ADAMTS6: variants seen among roughly 807,000 people sequenced by gnomAD.
ADAMTS6 encodes the protein ADAM metallopeptidase with thrombospondin type 1 motif 6.
ADAMTS6 carries 23 observed loss-of-function variants against 144.3 expected under a neutral mutation model. The observed-to-expected ratio is 0.16, with a 90% CI of 0.11 to 0.23. The LOEUF is 0.23. Ranked by LOEUF, ADAMTS6 falls within the 10% of genes least tolerant of loss-of-function variation. The pLI is 1.00. For missense variants in ADAMTS6, 999 were observed against 1,379.6 expected, an observed-to-expected ratio of 0.72 and a Z score of 4.37; for synonymous variants, 444 against 457.5, an observed-to-expected ratio of 0.97 and a Z score of 0.38.
chr5:65,367,961 A>G (rs1750461313), intron 7 of ADAMTS6, among the ~76,000 whole-genome samples: 2 of 152,086 alleles, frequency 1.3e-5, no homozygotes, highest in African/African-American at 4.8e-5. Flanking sequence ...GGCATATTTT[A>G]CTACAAAAAA....
intron 7 of ADAMTS6, among the ~76,000 whole-genome samples, chr5:65,356,162 T>G (rs116367937): frequency 0.01 from 1,581 of 151,988 alleles, 19 homozygotes; most frequent in Non-Finnish European, 0.015. Flanking sequence ...TTCAATGTAT[T>G]TCATACATTC....
At chr5:65,357,398 T>C (rs1283938328) in intron 7 of ADAMTS6, among the ~76,000 whole-genome samples, 2 of 151,208 alleles carry the variant, frequency 1.3e-5, no homozygotes, top group African/African-American at 4.9e-5. Flanking sequence ...TAGCAATAGA[T>C]ACATTAAGAA....
chr5:65,402,272 C>A (rs1486554295), intron 7 of ADAMTS6, among the ~76,000 whole-genome samples: 2 of 152,028 alleles, frequency 1.3e-5, no homozygotes, highest in South Asian at 2.1e-4. Flanking sequence ...AACTCACTTG[C>A]GAAAACATAT....
At chr5:65,408,987 G>C (rs1401954477) in intron 7 of ADAMTS6, among the ~76,000 whole-genome samples, 6 of 152,034 alleles carry the variant, frequency 3.9e-5, no homozygotes, top group East Asian at 1.9e-4. Context: ...ATCTCTGGGA[G>C]ACATTTAAAG....
At chr5:65,364,475 AAC>A (rs997392091) in intron 7 of ADAMTS6, among the ~76,000 whole-genome samples, 2 of 152,060 alleles carry the variant, frequency 1.3e-5, no homozygotes, top group African/African-American at 4.8e-5. Flanking sequence ...GGAGTTTTGA[AAC>A]ACAGCGCTGG....
chr5:65,189,802 C>T (rs774922784), intron 21 of ADAMTS6, among the ~76,000 whole-genome samples: 3 of 152,162 alleles, frequency 2.0e-5, no homozygotes, highest in South Asian at 4.1e-4. Context: ...CTATTTCAAT[C>T]GAAATTCATT....
At chr5:65,191,616 T>G (rs1244426420) in intron 21 of ADAMTS6, among the ~76,000 whole-genome samples, 1 of 152,052 alleles carries the variant, frequency 6.6e-6, no homozygotes, top group Non-Finnish European at 1.5e-5. Flanking sequence ...TATAAATTAT[T>G]GTCTACTTAC....
intron 22 of ADAMTS6, among the ~76,000 whole-genome samples, chr5:65,174,766 AGT>A (rs965672887): frequency 1.3e-5 from 2 of 151,920 alleles, no homozygotes; most frequent in Non-Finnish European, 2.9e-5. Context: ...AAACTGTAAA[AGT>A]GTGTGTGTGT....
chr5:65,471,139 T>C lies in ADAMTS6; in HGVS notation c.101A>G (p.Glu34Gly). The change falls in exon 3 of 25, where the codon GAA (glutamate) becomes GGA (glycine). Residue 34 changes from glutamate (E) to glycine (G), a missense_variant. By Grantham distance (98) the Glu-to-Gly change is moderately conservative. Coordinates refer to ENST00000381055, the MANE Select transcript of ADAMTS6 (RefSeq NM_197941.4). ...DHRLSYSSQE[E>G]FLTYLEHYQL... ...GTAGTGTTCAAGATAAGTCAGGAAT[T>C]CCTCTTTGTAATCACAAGGCAGAGA... The C allele has an allele frequency of 1.3e-6, 2 of 1,577,926 alleles. No homozygotes were observed. Among genetic ancestry groups the C allele is most frequent in the South Asian group, 1.2e-5 (1 of 82,672 alleles).
At chr5:65,420,698 G>C (rs1199052433) in intron 7 of ADAMTS6, among the ~76,000 whole-genome samples, 2 of 152,012 alleles carry the variant, frequency 1.3e-5, no homozygotes, top group African/African-American at 4.8e-5. Flanking sequence ...TCTTAAAAAG[G>C]AAAAGAAAGA....
chr5:65,386,395 G>A (rs1015765838), intron 7 of ADAMTS6, among the ~76,000 whole-genome samples: 1 of 152,020 alleles, frequency 6.6e-6, no homozygotes, highest in African/African-American at 2.4e-5. Context: ...AATCTTTGAT[G>A]ATACATTTGT....
chr5:65,216,385 A>G (rs1561288911), intron 18 of ADAMTS6, among the ~76,000 whole-genome samples: 1 of 151,792 alleles, frequency 6.6e-6, no homozygotes, highest in Non-Finnish European at 1.5e-5. Context: ...AGTAGGTAAA[A>G]AGCCACAGAG....
intron 7 of ADAMTS6, among the ~76,000 whole-genome samples, chr5:65,398,293 A>G (rs1174624971): frequency 6.6e-6 from 1 of 152,150 alleles, no homozygotes; most frequent in African/African-American, 2.4e-5. Context: ...TTTGCCTCCT[A>G]TATTTTATTG....
rs139829782 is a variant in ADAMTS6 at position 65,252,390 on chromosome 5, C to T, written c.1830+8210G>A. Among the ~76,000 whole-genome samples the T allele has an allele frequency of 6.1e-3, 918 of 151,620 alleles. 8 individuals carry two copies. Among genetic ancestry groups the T allele is most frequent in the African/African-American group, 0.021 (873 of 41,362 alleles). On this transcript the variant is annotated intron_variant, in intron 14 of 24. Transcript: ENST00000381055. ...CCGAGTAGCTGGGATCACAGGCGCC[C>T]GCAACCACGCCCGGCTAATTTTTTG...
chr5:65,300,090 G>A lies in ADAMTS6; in HGVS notation c.1265C>T (p.Thr422Met), dbSNP rs141694479. 139 of 1,613,804 alleles carry A rather than the reference G, an allele frequency of 8.6e-5. No individual in the cohort carries two copies. Among genetic ancestry groups the A allele is most frequent in the Middle Eastern group, 1.6e-4 (1 of 6,084 alleles). The change falls in exon 10 of 25, where the codon ACG becomes ATG. Residue 422 changes from threonine (T) to methionine (M), a missense_variant. Physicochemically the swap from Thr to Met is moderately conservative, Grantham distance 81. This residue lies in a region of ADAMTS6 where 128 missense variants were observed against 249.0 expected (regional missense o/e 0.51). Transcript: ENST00000381055. ...AAGTTTTGCTGCTTCATGACCTTTC[G>A]TCCCACAAGAATTTCCAATTCCATC... ...NHDGIGNSCG[T>M]KGHEAAKLMA...
At chr5:65,319,931 C>T (rs1670699866) in intron 9 of ADAMTS6, among the ~76,000 whole-genome samples, 1 of 152,182 alleles carries the variant, frequency 6.6e-6, no homozygotes. Flanking sequence ...GCAACCTCTG[C>T]CTCCTGGGTT....
chr5:65,199,057 C>T (rs1755569115), intron 20 of ADAMTS6, among the ~76,000 whole-genome samples: 1 of 152,098 alleles, frequency 6.6e-6, no homozygotes, highest in African/African-American at 2.4e-5. Context: ...CTCAGATTAT[C>T]CATCCATCCT....
intron 22 of ADAMTS6, among the ~76,000 whole-genome samples, chr5:65,185,869 A>G (rs1457855127): frequency 6.6e-6 from 1 of 152,218 alleles, no homozygotes; most frequent in Non-Finnish European, 1.5e-5. Flanking sequence ...TGTTTTATTT[A>G]AAAACATATA....
chr5:65,383,365 A>C (rs1752201148), intron 7 of ADAMTS6, among the ~76,000 whole-genome samples: 1 of 152,182 alleles, frequency 6.6e-6, no homozygotes, highest in Non-Finnish European at 1.5e-5. Context: ...ACAAGTTATA[A>C]ACTTCCAAAA....
Sources: allele counts gnomAD v4.1 joint callset (sites outside exome capture counted in the v4.1 genomes callset), GRCh38; gene constraint gnomAD v4.1.1; regional missense constraint gnomAD v4.1.1; transcripts MANE v1.5; gene names NCBI Gene and HGNC (gene_info 2026-07-23, HGNC 2026-07-21).